Variants in RBFOX1 observed in about 807,000 individuals in gnomAD.
RBFOX1 encodes RNA binding protein fox-1 homolog 1.
RBFOX1 carries 8 observed loss-of-function variants against 57.7 expected under a neutral mutation model. The ratio of observed to expected loss-of-function variants is 0.14; its 90% confidence interval spans 0.08 to 0.25. The LOEUF (loss-of-function observed/expected upper bound fraction) is 0.25. Ranked by LOEUF, RBFOX1 falls within the 10% of genes least tolerant of loss-of-function variation. The pLI, the probability that RBFOX1 is intolerant of heterozygous loss-of-function variation, is 1.00. For synonymous variants in RBFOX1, 326 were observed against 222.4 expected (o/e 1.47, Z -4.15); for missense variants, 611 against 548.5 (o/e 1.11, Z -1.14).
chr16:7,029,046 CTA>C (rs1225538161), intron 3 of RBFOX1, among the ~76,000 whole-genome samples: 461 of 45,170 alleles, frequency 0.01, 8 homozygotes, highest in African/African-American at 0.019. Flanking sequence ...AAAAAAAAAG[CTA>C]TATATATATA....
Position 5,768,631 on chromosome 16 carries a change from C to T in RBFOX1, c.319-98672C>T, listed in dbSNP as rs528377069. Among the ~76,000 whole-genome samples, 3 of 152,316 alleles carry T rather than the reference C, an allele frequency of 2.0e-5. No homozygotes were observed. In the South Asian group the frequency reaches 6.2e-4, roughly 32 times the overall value. On this transcript the variant is annotated intron_variant, in intron 3 of 19. Transcript: ENST00000641259. ...TGAAACTCTGCATCATAGCCAAAAT[C>T]TGCTCTTCTGTGCATTCCTCTTGCA...
intron 3 of RBFOX1, among the ~76,000 whole-genome samples, chr16:6,898,191 A>G (rs912305991): frequency 1.3e-5 from 2 of 152,158 alleles, no homozygotes; most frequent in Admixed American, 1.3e-4. Flanking sequence ...AAGAATGCTT[A>G]CAGTCCATTG....
intron 1 of RBFOX1, among the ~76,000 whole-genome samples, chr16:6,036,865 C>CA (rs1301669699): frequency 6.6e-6 from 1 of 152,110 alleles, no homozygotes; most frequent in East Asian, 1.9e-4. Flanking sequence ...ATGGGACACA[C>CA]AAAAAAGTAA....
intron 1 of RBFOX1, among the ~76,000 whole-genome samples, chr16:6,294,116 A>C (rs1425665828): frequency 6.6e-6 from 1 of 152,140 alleles, no homozygotes; most frequent in African/African-American, 2.4e-5. Context: ...TAGGAGTTCC[A>C]GGCTGCAGTG....
At chr16:7,467,147 TC>T (rs2060670939) in intron 4 of RBFOX1, among the ~76,000 whole-genome samples, 1 of 152,204 alleles carries the variant, frequency 6.6e-6, no homozygotes, top group Non-Finnish European at 1.5e-5. Context: ...TGATAGAGTA[TC>T]TTCTAGAGAG....
intron 3 of RBFOX1, among the ~76,000 whole-genome samples, chr16:7,003,445 C>T (rs1019148553): frequency 2.8e-5 from 4 of 144,706 alleles, no homozygotes; most frequent in Non-Finnish European, 6.0e-5. Context: ...GGTGACAGAG[C>T]GAGACTCCAT....
intron 2 of RBFOX1, among the ~76,000 whole-genome samples, chr16:5,551,941 T>G (rs1260632942): frequency 6.6e-6 from 1 of 152,180 alleles, no homozygotes; most frequent in Non-Finnish European, 1.5e-5. Flanking sequence ...GTTTCCAGCT[T>G]CATCCGTGTC....
intron 11 of RBFOX1, among the ~76,000 whole-genome samples, chr16:7,637,220 A>C (rs1360647394): frequency 6.6e-6 from 1 of 151,980 alleles, no homozygotes; most frequent in South Asian, 2.1e-4. Flanking sequence ...AGTTAATAGA[A>C]GATTAATTAT....
At chr16:6,401,730 A>G (rs1205776502) in intron 2 of RBFOX1, among the ~76,000 whole-genome samples, 3 of 152,204 alleles carry the variant, frequency 2.0e-5, no homozygotes, top group Non-Finnish European at 4.4e-5. Flanking sequence ...GGAAGAAATC[A>G]AAGTTTAAAG....
intron 1 of RBFOX1, among the ~76,000 whole-genome samples, chr16:6,043,875 C>T (rs111950986): frequency 2.6e-5 from 4 of 152,230 alleles, no homozygotes; most frequent in South Asian, 2.1e-4. Context: ...CAGAGAGGAC[C>T]GGCCTCTGCT....
intron 3 of RBFOX1, among the ~76,000 whole-genome samples, chr16:5,714,968 T>G (rs1001886573): frequency 6.6e-6 from 1 of 152,204 alleles, no homozygotes; most frequent in African/African-American, 2.4e-5. Flanking sequence ...TACTTCCAGT[T>G]GTGTTGAGTT....
At chr16:5,259,444 A>C (rs758863010) in intron 1 of RBFOX1, among the ~76,000 whole-genome samples, 43 of 152,130 alleles carry the variant, frequency 2.8e-4, no homozygotes, top group Non-Finnish European at 5.9e-4. Context: ...TGAAACTTCA[A>C]GCTGGGCTCT....
At chr16:5,430,378 G>C (rs2067694043) in intron 1 of RBFOX1, among the ~76,000 whole-genome samples, 1 of 152,194 alleles carries the variant, frequency 6.6e-6, no homozygotes, top group South Asian at 2.1e-4. Flanking sequence ...GTAGTAGAAA[G>C]GGAGGCATTT....
chr16:5,825,145 C>T (rs530900971), intron 3 of RBFOX1, among the ~76,000 whole-genome samples: 6 of 152,316 alleles, frequency 3.9e-5, no homozygotes, highest in Non-Finnish European at 5.9e-5. Flanking sequence ...TCTGGACCCT[C>T]GTTGCCCAGG....
chr16:7,219,982 G>C (rs181362020), intron 4 of RBFOX1, among the ~76,000 whole-genome samples: 6 of 152,170 alleles, frequency 3.9e-5, no homozygotes, highest in African/African-American at 1.4e-4. Context: ...TCTGAGTTCA[G>C]TTGGTTTTTG....
chr16:7,078,193 G>A (rs1179067687), intron 4 of RBFOX1, among the ~76,000 whole-genome samples: 2 of 152,184 alleles, frequency 1.3e-5, no homozygotes, highest in Admixed American at 6.5e-5. Context: ...AGAAGAAGGA[G>A]AAAGGAGCAT....
chr16:7,221,587 G>C (rs1216231696), intron 4 of RBFOX1, among the ~76,000 whole-genome samples: 1 of 152,130 alleles, frequency 6.6e-6, no homozygotes, highest in Non-Finnish European at 1.5e-5. Context: ...GGGTAGTCTT[G>C]AACTCCTGAC....
chr16:5,470,757 C>T (rs891912685), intron 2 of RBFOX1, among the ~76,000 whole-genome samples: 7 of 152,102 alleles, frequency 4.6e-5, no homozygotes, highest in South Asian at 2.1e-4. Context: ...CTGGTCTGTC[C>T]GCCTCTGCAG....
chr16:5,976,191 A>G lies in RBFOX1; in HGVS notation c.351+108856A>G, dbSNP rs2060059302. 7.2e-5 allele frequency among the ~76,000 whole-genome samples: 11 copies of G among 152,154 alleles called. No individual in the cohort carries two copies. The South Asian group carries it at 2.1e-3, about 29-fold the overall frequency. ...AATAAAATAAAATAAAATAATTAGT[A>G]TTTTCTAGCCCGCCACTTACCCAGT... On this transcript the variant is annotated intron_variant, in intron 4 of 19. Coordinates refer to the RBFOX1 transcript ENST00000641259.
Sources: allele counts gnomAD v4.1 joint callset (sites outside exome capture counted in the v4.1 genomes callset), GRCh38; gene constraint gnomAD v4.1.1; transcripts MANE v1.5; gene names NCBI Gene and HGNC (gene_info 2026-07-23, HGNC 2026-07-21).